The following CNKSR2 variants were observed in gnomAD, a reference collection of about 807,000 sequenced individuals.
CNKSR2 encodes the protein connector enhancer of kinase suppressor of Ras 2.
Under a neutral mutation model 84.4 loss-of-function variants are expected in CNKSR2, and 14 were observed. The ratio of observed to expected loss-of-function variants is 0.17; its 90% CI spans 0.11 to 0.26. The LOEUF is 0.26. CNKSR2 is among the 10% of genes least tolerant of loss of function. The probability of loss-of-function intolerance (pLI) is 1.00; values close to 1 mark genes in which losing one functional copy is unlikely to be tolerated. For missense variants in CNKSR2, 485 were observed against 771.2 expected, an observed-to-expected ratio of 0.63 and a Z score of 4.40; for synonymous variants, 275 against 277.9, an observed-to-expected ratio of 0.99 and a Z score of 0.10.
intron 1 of CNKSR2, among the ~76,000 whole-genome samples, chrX:21,415,210 G>A (rs1417304662): frequency 9.0e-6 from 1 of 111,042 alleles, no homozygotes; most frequent in Non-Finnish European, 1.9e-5. Flanking sequence ...CCATTTTTTG[G>A]TGGTTTCTTC....
rs113794350 is a variant in CNKSR2, at chrX:21,648,792, T to C, written c.2693-39T>C. ...TCTTTCTCTCTCTCTCTCTCTCTCT[T>C]TCTTTTTTTTTTTTTTTTTTTTTTT... On this transcript the variant is annotated intron_variant, in intron 20 of 21. Coordinates refer to ENST00000379510, the MANE Select transcript of CNKSR2 (RefSeq NM_014927.5). The C allele has an allele frequency of 1.3e-4, 101 of 795,372 alleles. No homozygotes were observed. The African/African-American group carries it at 2.0e-3, about 16-fold the overall frequency. The allele number at this position is 795,372 out of a possible 1,213,427, so 65.5% of individuals were successfully genotyped here. A position where few individuals can be genotyped will look rare whatever the true frequency, so the allele number is the denominator to read the frequency against.
chrX:21,486,761 T>C (rs1213663226), intron 5 of CNKSR2, among the ~76,000 whole-genome samples: 1 of 111,970 alleles, frequency 8.9e-6, no homozygotes, highest in Non-Finnish European at 1.9e-5. Flanking sequence ...TAGATAATAT[T>C]GTGTTTTAAA....
intron 8 of CNKSR2, chrX:21,505,980 T>TC (rs1292006143): frequency 3.6e-5 from 4 of 111,144 alleles, no homozygotes; most frequent in Non-Finnish European, 7.6e-5. Context: ...CCTCCACTCT[T>TC]CATCTCATTA....
chrX:21,631,990 G>A (rs971378667), intron 20 of CNKSR2, among the ~76,000 whole-genome samples: 2 of 111,841 alleles, frequency 1.8e-5, no homozygotes, highest in African/African-American at 6.5e-5. Flanking sequence ...ATGATATTTT[G>A]CAAAAACAGC....
chrX:21,549,402 A>G (rs1329159091), intron 11 of CNKSR2, among the ~76,000 whole-genome samples: 1 of 112,046 alleles, frequency 8.9e-6, no homozygotes, highest in East Asian at 2.8e-4. Flanking sequence ...CCACTGCTCA[A>G]GGAAATCAAA....
intron 1 of CNKSR2, among the ~76,000 whole-genome samples, chrX:21,394,707 T>C (rs760753176): frequency 1.7e-4 from 19 of 111,488 alleles, no homozygotes; most frequent in Admixed American, 1.6e-3. Context: ...AAGTTTATGA[T>C]TATTTAAATT....
At chrX:21,547,318 G>A (rs1173381458) in intron 11 of CNKSR2, among the ~76,000 whole-genome samples, 1 of 111,252 alleles carries the variant, frequency 9.0e-6, no homozygotes, top group Non-Finnish European at 1.9e-5. Context: ...AAGCAACAAA[G>A]ATCAAAAAAG....
intron 6 of CNKSR2, chrX:21,491,907 A>G (rs961549896): frequency 1.3e-4 from 14 of 111,667 alleles, no homozygotes; most frequent in African/African-American, 4.6e-4. Context: ...CATGATTTTT[A>G]GAGTGAAAAA....
chrX:21,554,899 G>A (rs1400359649), intron 11 of CNKSR2, among the ~76,000 whole-genome samples: 1 of 111,099 alleles, frequency 9.0e-6, no homozygotes, highest in African/African-American at 3.3e-5. Context: ...GGTCTTTGAG[G>A]AATTGCCACA....
intron 5 of CNKSR2, among the ~76,000 whole-genome samples, chrX:21,478,268 CT>C (rs1199863413): frequency 9.0e-6 from 1 of 111,348 alleles, no homozygotes; most frequent in Non-Finnish European, 1.9e-5. Context: ...GATTTTGACA[CT>C]TTGGTGGTTA....
intron 1 of CNKSR2, among the ~76,000 whole-genome samples, chrX:21,397,978 A>G (rs1306981891): frequency 8.9e-6 from 1 of 111,841 alleles, no homozygotes; most frequent in Non-Finnish European, 1.9e-5. Context: ...TTTTGTACCT[A>G]TTGTATATAT....
chrX:21,450,587 T>G (rs1183965936), intron 4 of CNKSR2, among the ~76,000 whole-genome samples: 1 of 111,969 alleles, frequency 8.9e-6, no homozygotes, highest in East Asian at 2.8e-4. Flanking sequence ...GTGAATAATC[T>G]TGAATTAAAG....
intron 20 of CNKSR2, among the ~76,000 whole-genome samples, chrX:21,629,386 G>C (rs1602054371): frequency 8.9e-6 from 1 of 111,899 alleles, no homozygotes; most frequent in Non-Finnish European, 1.9e-5. Flanking sequence ...CCACTCTGTT[G>C]GTACCAGTTT....
chrX:21,538,020 T>C (rs2091945023), intron 11 of CNKSR2: 1 of 111,835 alleles, frequency 8.9e-6, no homozygotes, highest in South Asian at 3.7e-4. Flanking sequence ...GTGTTTCTAC[T>C]CTACCAGTGA....
At chrX:21,631,227 G>A (rs1279044412) in intron 20 of CNKSR2, among the ~76,000 whole-genome samples, 1 of 110,530 alleles carries the variant, frequency 9.0e-6, no homozygotes, top group Non-Finnish European at 1.9e-5. Flanking sequence ...GCTGAGGTAG[G>A]AGGATCACTT....
At chrX:21,601,761 G>T in intron 18 of CNKSR2, among the ~76,000 whole-genome samples, 2 of 111,843 alleles carry the variant, frequency 1.8e-5, no homozygotes, top group Middle Eastern at 9.3e-3. Flanking sequence ...TTCTCATTTG[G>T]TAATGTTCTT....
chrX:21,650,243 C>T (rs2092717531), intron 21 of CNKSR2, among the ~76,000 whole-genome samples: 1 of 110,715 alleles, frequency 9.0e-6, no homozygotes, highest in African/African-American at 3.3e-5. Flanking sequence ...TACTATGCAG[C>T]CATAAAAAAG....
chrX:21,448,406 A>C lies in CNKSR2; in HGVS notation c.519+7625A>C, dbSNP rs1237879842. Among the ~76,000 whole-genome samples the C allele has an allele frequency of 6.3e-5, 7 of 111,981 alleles. No individual in the cohort carries two copies. In the South Asian group the frequency reaches 1.1e-3, roughly 18 times the overall value. ...AAGAAAGAGAGAACCAATGCTAGAA[A>C]GTGGTGTGGTGGTAGTAGACAGGGG... is the stretch of plus-strand genomic sequence containing the variant. On this transcript the variant is annotated intron_variant, in intron 4 of 21. Coordinates refer to ENST00000379510, the MANE Select transcript of CNKSR2 (RefSeq NM_014927.5).
At chrX:21,635,991 A>G (rs948081066) in intron 20 of CNKSR2, among the ~76,000 whole-genome samples, 1 of 111,625 alleles carries the variant, frequency 9.0e-6, no homozygotes, top group African/African-American at 3.2e-5. Flanking sequence ...GGTTGGAACT[A>G]CTTTTCAGAG....
Sources: gnomAD v4.1 joint callset for allele counts (sites outside exome capture counted in the v4.1 genomes callset) on GRCh38, gnomAD v4.1.1 for gene constraint, MANE v1.5 for transcripts, NCBI Gene and HGNC (gene_info 2026-07-23, HGNC 2026-07-21) for gene names.